TTYH2: variants seen among roughly 807,000 people sequenced by gnomAD.
TTYH2 encodes protein tweety homolog 2.
In TTYH2, 49 loss-of-function variants were observed where a neutral mutation model predicts 68.3. The observed-to-expected ratio is 0.72, with a 90% CI of 0.57 to 0.91. The LOEUF (loss-of-function observed/expected upper bound fraction) is 0.91, where lower values mean the gene tolerates loss of function less well. TTYH2 is among the 40% of genes least tolerant of loss of function. The probability of loss-of-function intolerance (pLI) is 0.00; values close to 1 mark genes in which losing one functional copy is unlikely to be tolerated. For missense variants in TTYH2, 631 were observed against 700.4 expected (o/e 0.90, Z 1.12); for synonymous variants, 272 against 300.8 (o/e 0.90, Z 0.99).
chr17:74,251,241 GGGTGTGT>G (rs2050622742), intron 10 of TTYH2, among the ~76,000 whole-genome samples: 1 of 150,478 alleles, frequency 6.6e-6, no homozygotes, highest in Admixed American at 6.6e-5. Context: ...TGTGTGTGTG[GGGTGTGT>G]GGTGTGTGCG....
At position 74,260,335 on chromosome 17, in the gene TTYH2, G is replaced by C; in HGVS notation, c.*126G>C. On this transcript the variant is annotated 3_prime_UTR_variant, in exon 14 of 14. Transcript: ENST00000269346. ...CGAGAGGCCTCCTGCTGTGGCAGAG[G>C]AGCAGCTGGGATTCCCGACCAAAGC... 3 of 953,306 alleles carry C rather than the reference G, an allele frequency of 3.1e-6. No homozygotes were observed. Among genetic ancestry groups the C allele is most frequent in the Non-Finnish European group, 4.9e-6 (3 of 616,028 alleles). 59.1% of individuals were successfully genotyped at this position (953,306 alleles called of 1,614,324 possible).
rs1417054714 is a variant in TTYH2 at position 74,217,082 on chromosome 17, C to G, written c.129+3366C>G. Among the ~76,000 whole-genome samples, 1 of 152,196 alleles carries G rather than the reference C, an allele frequency of 6.6e-6. No individual in the cohort carries two copies. Among genetic ancestry groups the G allele is most frequent in the African/African-American group, 2.4e-5 (1 of 41,436 alleles). On this transcript the variant is annotated intron_variant, in intron 1 of 13. Coordinates refer to ENST00000269346, the MANE Select transcript of TTYH2 (RefSeq NM_032646.6). The surrounding 1 kb of genome is among the most constrained non-coding windows in gnomAD (Gnocchi z 4.0). Reference sequence around the variant, plus strand: ...CAAATGAACGAGGCACTTCGGTGTCCCTGCCTGAGCGTGAGTGCCACCATC... The same window carrying G: ...CAAATGAACGAGGCACTTCGGTGTCGCTGCCTGAGCGTGAGTGCCACCATC...
intron 13 of TTYH2, among the ~76,000 whole-genome samples, chr17:74,255,499 T>C (rs537129868): frequency 6.6e-6 from 1 of 152,244 alleles, no homozygotes; most frequent in East Asian, 1.9e-4. Context: ...CTGCCCAGGC[T>C]GGAGTGCAGT....
intron 12 of TTYH2, 117 bp downstream of exon 12, chr17:74,253,383 C>A: frequency 7.8e-7 from 1 of 1,284,174 alleles, no homozygotes; most frequent in Non-Finnish European, 1.0e-6. Flanking sequence ...GTCCCCACTA[C>A]AGCCACAGGG....
Position 74,253,848 on chromosome 17 carries a change from G to C in TTYH2, c.1524+15G>C. 3.7e-6 allele frequency: 6 copies of C among 1,613,826 alleles called. No homozygotes were observed. The highest frequency in any genetic ancestry group is 5.1e-6 in the Non-Finnish European group (6 of 1,179,700). On this transcript the variant is annotated intron_variant, in intron 13 of 13. Transcript: ENST00000269346. ...CTCCGCCTACGGTAATTGGGGCTCT[G>C]GCCCTTCCTTGTTGGGGTAATACAT...
At chr17:74,259,523 C>T (rs1312165140) in intron 13 of TTYH2, among the ~76,000 whole-genome samples, 6 of 152,132 alleles carry the variant, frequency 3.9e-5, no homozygotes. Context: ...GTGCATTTTG[C>T]ATCAACAAAA....
intron 4 of TTYH2, among the ~76,000 whole-genome samples, chr17:74,242,871 G>A (rs2050515820): frequency 6.6e-6 from 1 of 152,212 alleles, no homozygotes; most frequent in South Asian, 2.1e-4. Flanking sequence ...TAGAAGCAAA[G>A]GGAAGCAGGG....
At chr17:74,248,906 G>A in intron 6 of TTYH2, 105 bp from the exon 7 acceptor site, 1 of 1,574,794 alleles carries the variant, frequency 6.4e-7, no homozygotes, top group Non-Finnish European at 8.6e-7. Context: ...TTGCCACCTG[G>A]GAGGGAGCTC....
chr17:74,237,621 ATTTTT>A, intron 4 of TTYH2, 107 bp downstream of exon 4: 2 of 899,052 alleles, frequency 2.2e-6, no homozygotes, highest in Non-Finnish European at 3.2e-6. Flanking sequence ...ACTGGAAAGT[ATTTTT>A]TTTTTGTTTT....
rs920485399 is a variant in TTYH2, at chr17:74,261,628, T to C, written c.*1419T>C. The C allele has an allele frequency of 6.6e-6, 1 of 152,570 alleles. No homozygotes were observed. Among genetic ancestry groups the C allele is most frequent in the Non-Finnish European group, 1.5e-5 (1 of 68,034 alleles). 9.5% of individuals were successfully genotyped at this position (152,570 alleles called of 1,614,324 possible). A position where few individuals can be genotyped will look rare whatever the true frequency, so the allele number is the denominator to read the frequency against. On this transcript the variant is annotated 3_prime_UTR_variant, in exon 14 of 14. Coordinates refer to ENST00000269346, the MANE Select transcript of TTYH2 (RefSeq NM_032646.6). ...ACCAGAGCCCCACGGCCTCGCACAC[T>C]GAAGCAGGGGCGTGCGGTGACTCGG...
intron 3 of TTYH2, 67 bp downstream of exon 3, chr17:74,231,066 G>A: frequency 2.1e-6 from 3 of 1,428,824 alleles, no homozygotes; most frequent in South Asian, 1.2e-5. Context: ...CAGAGCAAGG[G>A]CCCCCGTCAG....
Position 74,248,992 on chromosome 17 carries a change from C to T in TTYH2, c.805-19C>T, listed in dbSNP as rs781267606. 1 of 1,614,054 alleles carries T rather than the reference C, an allele frequency of 6.2e-7. No individual in the cohort carries two copies. The highest frequency in any genetic ancestry group is 8.5e-7 in the Non-Finnish European group (1 of 1,179,946). ...GATACCTGATTTTCCTCCACCCCGT[C>T]CCTCTCTCCCTCACTCAGGCCACCA... On this transcript the variant is annotated intron_variant, in intron 6 of 13. Coordinates refer to ENST00000269346, the MANE Select transcript of TTYH2 (RefSeq NM_032646.6).
intron 4 of TTYH2, among the ~76,000 whole-genome samples, chr17:74,242,266 C>T (rs1428756436): frequency 2.0e-5 from 3 of 152,200 alleles, no homozygotes; most frequent in East Asian, 3.9e-4. Flanking sequence ...TGTAGGTACC[C>T]TGACCTGGAC....
In TTYH2 at chr17:74,244,011, A is replaced by G. The variant is rs1232230729; in HGVS notation, c.766A>G (p.Ser256Gly). The G allele has an allele frequency of 1.2e-6, 2 of 1,612,064 alleles. No homozygotes were observed. The highest frequency in any genetic ancestry group is 8.5e-7 in the Non-Finnish European group (1 of 1,179,816). Reference protein sequence around the residue: ...LCCGALSLLLSWASLAADGSA... With the variant: ...LCCGALSLLLGWASLAADGSA... ...CTGTGGGGCACTGAGCCTGCTCCTC[A>G]GTTGGGCATCCCTGGCCGCTGATGG... The change falls in exon 6 of 14, where the codon AGT becomes GGT. Residue 256 changes from serine (S) to glycine (G), a missense_variant. Physicochemically the swap from Ser to Gly is moderately conservative, Grantham distance 56. Transcript: ENST00000269346.
chr17:74,219,635 A>T (rs367900272), intron 1 of TTYH2, among the ~76,000 whole-genome samples: 2 of 152,016 alleles, frequency 1.3e-5, no homozygotes, highest in East Asian at 1.9e-4. Context: ...AGTATCTCTG[A>T]CTTTGAACTT....
At position 74,214,641 on chromosome 17, in the gene TTYH2, C is replaced by T. The variant is rs527860258; in HGVS notation, c.129+925C>T. ...AACAAAGCTGCAGAATCTCCCAGCC[C>T]GTCTCAGGTCTGGTCACGCCTGCTC... is the stretch of plus-strand genomic sequence containing the variant. On this transcript the variant is annotated intron_variant, in intron 1 of 13. Transcript: ENST00000269346. The surrounding 1 kb of genome is among the most constrained non-coding windows in gnomAD (Gnocchi z 4.6). Among the ~76,000 whole-genome samples the T allele has an allele frequency of 1.3e-5, 2 of 152,222 alleles. No homozygotes were observed. Among genetic ancestry groups the T allele is most frequent in the African/African-American group, 4.8e-5 (2 of 41,454 alleles).
intron 2 of TTYH2, among the ~76,000 whole-genome samples, chr17:74,227,692 T>G (rs1345417462): frequency 6.6e-6 from 1 of 151,940 alleles, no homozygotes; most frequent in Non-Finnish European, 1.5e-5. Flanking sequence ...ATTTCTAAAC[T>G]GTAGAGGGGG....
At chr17:74,234,396 G>A (rs1178056121) in intron 3 of TTYH2, among the ~76,000 whole-genome samples, 1 of 152,230 alleles carries the variant, frequency 6.6e-6, no homozygotes, top group Admixed American at 6.5e-5. Context: ...CATCCCACCT[G>A]TCCCTGCGGG....
At chr17:74,244,749 G>A (rs558337951) in intron 6 of TTYH2, among the ~76,000 whole-genome samples, 4 of 152,156 alleles carry the variant, frequency 2.6e-5, no homozygotes, top group South Asian at 2.1e-4. Context: ...CTGGGGTTGC[G>A]GAAGCCAAGA....
Sources: gnomAD v4.1 joint callset for allele counts (sites outside exome capture counted in the v4.1 genomes callset) on GRCh38, gnomAD v4.1.1 for gene constraint, Gnocchi (gnomAD v3.1) non-coding constraint, MANE v1.5 for transcripts, NCBI Gene and HGNC (gene_info 2026-07-23, HGNC 2026-07-21) for gene names.